SLIT3: variants seen among roughly 807,000 people sequenced by gnomAD.
SLIT3 encodes slit homolog 3 protein.
Under a neutral mutation model 184.0 loss-of-function variants are expected in SLIT3, and 68 were observed. The ratio of observed to expected loss-of-function variants is 0.37; its 90% CI spans 0.30 to 0.45. The LOEUF (loss-of-function observed/expected upper bound fraction) is 0.45, where lower values mean the gene tolerates loss of function less well. SLIT3 is among the 20% of genes least tolerant of loss of function. The pLI, the probability that SLIT3 is intolerant of heterozygous loss-of-function variation, is 1.00. For synonymous variants in SLIT3, 831 were observed against 828.6 expected (o/e 1.00, Z -0.05); for missense variants, 1,707 against 2,026.0 (o/e 0.84, Z 3.02).
intron 20 of SLIT3, among the ~76,000 whole-genome samples, chr5:168,745,415 A>AT (rs766320198): frequency 0.012 from 1,709 of 145,678 alleles, 20 homozygotes; most frequent in African/African-American, 0.03. Context: ...ACTGACTCCA[A>AT]TTTTTTTTTT....
rs183067325 is a variant in SLIT3, at chr5:169,248,052, A to G, written c.270-3276T>C. On this transcript the variant is annotated intron_variant, in intron 2 of 35. Transcript: ENST00000519560. ...GGATTTACTCTTCTCCTTCCCTGCC[A>G]AGCCACTTCAGGCTGACTGCATCCC... Among the ~76,000 whole-genome samples, 500 of 152,180 alleles carry G rather than the reference A, an allele frequency of 3.3e-3. 12 individuals are homozygous for G. Among genetic ancestry groups the G allele is most frequent in the Non-Finnish European group, 6.6e-4 (45 of 68,000 alleles).
intron 12 of SLIT3, among the ~76,000 whole-genome samples, chr5:168,777,107 C>CA (rs1755788795): frequency 0.085 from 1,027 of 12,114 alleles, 7 homozygotes; most frequent in Middle Eastern, 0.2. Context: ...ACACACACAC[C>CA]CCCCATACCA....
intron 6 of SLIT3, among the ~76,000 whole-genome samples, chr5:168,833,013 G>A (rs1002970170): frequency 6.6e-6 from 1 of 152,198 alleles, no homozygotes; most frequent in Admixed American, 6.5e-5. Context: ...AACTCCCAAA[G>A]GGCAGCCACC....
intron 8 of SLIT3, among the ~76,000 whole-genome samples, chr5:168,810,731 G>T (rs1164650751): frequency 1.3e-5 from 2 of 152,138 alleles, no homozygotes; most frequent in African/African-American, 4.8e-5. Context: ...CTGGACCATG[G>T]CCTGATGACT....
chr5:169,266,384 A>T (rs1766396143), intron 1 of SLIT3, among the ~76,000 whole-genome samples: 2 of 152,240 alleles, frequency 1.3e-5, no homozygotes, highest in Admixed American at 1.3e-4. Context: ...CTTTGAATCT[A>T]AGTGGGACCA....
intron 3 of SLIT3, among the ~76,000 whole-genome samples, chr5:169,235,321 A>G: frequency 6.6e-6 from 1 of 152,166 alleles, no homozygotes. Flanking sequence ...ATATGTATGT[A>G]TTTTTGGCAT....
chr5:168,692,738 G>A (rs1761946264), intron 28 of SLIT3, 38 bp from the exon 29 acceptor site: 1 of 1,479,642 alleles, frequency 6.8e-7, no homozygotes, highest in Non-Finnish European at 9.4e-7. Flanking sequence ...GCCTCAGGCA[G>A]GGTAGGGATG....
At chr5:169,255,990 T>C (rs1228746121) in intron 1 of SLIT3, among the ~76,000 whole-genome samples, 3 of 152,224 alleles carry the variant, frequency 2.0e-5, no homozygotes, top group South Asian at 2.1e-4. Context: ...CAGTAGTGAA[T>C]AGTAATGTCC....
intron 4 of SLIT3, among the ~76,000 whole-genome samples, chr5:168,988,779 C>A (rs191920832): frequency 2.8e-4 from 43 of 151,762 alleles, no homozygotes; most frequent in East Asian, 2.7e-3. Context: ...GGAGACCCCC[C>A]CCCAGGGGCA....
At chr5:168,948,224 A>T (rs1253976869) in intron 4 of SLIT3, among the ~76,000 whole-genome samples, 6 of 152,144 alleles carry the variant, frequency 3.9e-5, no homozygotes, top group Non-Finnish European at 8.8e-5. Flanking sequence ...CCGGGGCCTG[A>T]TGCACTGCCT....
At chr5:168,773,388 T>C (rs1299862576) in intron 13 of SLIT3, among the ~76,000 whole-genome samples, 1 of 152,164 alleles carries the variant, frequency 6.6e-6, no homozygotes, top group East Asian at 1.9e-4. Flanking sequence ...CGGGTATTGT[T>C]GTAATTATCC....
At chr5:169,226,983 T>C (rs764624654) in intron 3 of SLIT3, among the ~76,000 whole-genome samples, 6 of 152,216 alleles carry the variant, frequency 3.9e-5, no homozygotes, top group Admixed American at 1.3e-4. Flanking sequence ...CGGCCCTGCC[T>C]CCCTCAGTCC....
chr5:168,840,342 C>T (rs1165857518), intron 6 of SLIT3, among the ~76,000 whole-genome samples: 2 of 152,160 alleles, frequency 1.3e-5, no homozygotes, highest in East Asian at 1.9e-4. Flanking sequence ...TTTTATTCTC[C>T]CATAATACTA....
At chr5:169,160,369 A>G (rs561729532) in intron 4 of SLIT3, among the ~76,000 whole-genome samples, 2 of 152,360 alleles carry the variant, frequency 1.3e-5, no homozygotes, top group South Asian at 4.1e-4. Context: ...GGCCTAGGCT[A>G]TTAACCTTTA....
At chr5:168,733,064 A>G (rs915674902) in intron 20 of SLIT3, among the ~76,000 whole-genome samples, 1 of 152,124 alleles carries the variant, frequency 6.6e-6, no homozygotes, top group Non-Finnish European at 1.5e-5. Context: ...TGCCTAAACA[A>G]AGGTTTGATA....
chr5:169,239,015 G>T (rs1393253312), intron 3 of SLIT3, among the ~76,000 whole-genome samples: 1 of 152,158 alleles, frequency 6.6e-6, no homozygotes, highest in Non-Finnish European at 1.5e-5. Flanking sequence ...ACACAGATGA[G>T]ATACCACAAC....
chr5:169,273,932 C>A (rs570414799), intron 1 of SLIT3, among the ~76,000 whole-genome samples: 1 of 152,298 alleles, frequency 6.6e-6, no homozygotes, highest in Admixed American at 6.5e-5. Context: ...TGCAGCTGAA[C>A]AATTCAAAAT....
intron 4 of SLIT3, among the ~76,000 whole-genome samples, chr5:169,129,456 G>GCAGGAGAATCTCTTGAAC (rs2113309887): frequency 6.6e-6 from 1 of 152,208 alleles, no homozygotes; most frequent in African/African-American, 2.4e-5. Context: ...GGAGGCTGAG[G>GCAGGAGAATCTCTTGAAC]CAGGAGAATC....
chr5:169,164,594 C>T (rs1028295222), intron 4 of SLIT3, among the ~76,000 whole-genome samples: 24 of 152,332 alleles, frequency 1.6e-4, no homozygotes, highest in Non-Finnish European at 3.1e-4. Flanking sequence ...GAGTCAGCCT[C>T]ATCCTGGGCC....
Sources: allele counts gnomAD v4.1 joint callset (sites outside exome capture counted in the v4.1 genomes callset), GRCh38; gene constraint gnomAD v4.1.1; transcripts MANE v1.5; gene names NCBI Gene and HGNC (gene_info 2026-07-23, HGNC 2026-07-21).